Variants in KIF5C observed in about 807,000 individuals in gnomAD.
KIF5C encodes kinesin heavy chain isoform 5C.
A neutral mutation model predicts 125.2 loss-of-function variants in KIF5C; 18 were observed. The ratio of observed to expected loss-of-function variants is 0.14; its 90% CI spans 0.10 to 0.21. The LOEUF is 0.21. KIF5C is among the 10% of genes least tolerant of loss of function. The probability of loss-of-function intolerance (pLI) is 1.00; values close to 1 mark genes in which losing one functional copy is unlikely to be tolerated. For missense variants in KIF5C, 780 were observed against 1,183.8 expected, an observed-to-expected ratio of 0.66 and a Z score of 5.01; for synonymous variants, 405 against 434.0, an observed-to-expected ratio of 0.93 and a Z score of 0.83.
rs1045737583 is a variant in KIF5C at position 148,875,486 on chromosome 2, T to C, written c.-132T>C. The stretch of plus-strand genomic sequence containing the variant: ...TCAGCCGGCCGGGCTCGCGATGACC[T>C]GCTGAGAAGCGTCGTCGGAGGCTGC... On this transcript the variant is annotated 5_prime_UTR_variant, in exon 1 of 26. Coordinates refer to ENST00000435030, the MANE Select transcript of KIF5C (RefSeq NM_004522.3). The C allele has an allele frequency of 4.5e-5, 33 of 736,300 alleles. No homozygotes were observed. The highest frequency in any genetic ancestry group is 2.5e-4 in the South Asian group (14 of 56,028). 45.6% of individuals were successfully genotyped at this position (736,300 alleles called of 1,614,324 possible). A position where few individuals can be genotyped will look rare whatever the true frequency, so the allele number is the denominator to read the frequency against.
At chr2:149,013,075 C>T (rs1457370983) in intron 25 of KIF5C, among the ~76,000 whole-genome samples, 1 of 152,156 alleles carries the variant, frequency 6.6e-6, no homozygotes, top group East Asian at 1.9e-4. Flanking sequence ...TCTTTTTAAC[C>T]AAGTACTCCA....
Position 148,985,814 on chromosome 2 carries a change from G to T in KIF5C, c.1716+2048G>T, listed in dbSNP as rs193102046. 1.0e-3 allele frequency among the ~76,000 whole-genome samples: 155 copies of T among 152,274 alleles called. 3 individuals carry two copies. The highest frequency in any genetic ancestry group is 9.8e-3 in the Admixed American group (150 of 15,284). On this transcript the variant is annotated intron_variant, in intron 15 of 25. Coordinates refer to ENST00000435030, the MANE Select transcript of KIF5C (RefSeq NM_004522.3). ...AAATGTTGAAAGCCGTTTTTGGATG[G>T]TGTAACAGGTCCCAGCTTAGAGTAC...
Position 149,026,429 on chromosome 2 carries a change from A to G in KIF5C, c.*3359A>G, listed in dbSNP as rs1026383650. The G allele has an allele frequency of 6.6e-6, 1 of 152,192 alleles. No individual in the cohort carries two copies. Among genetic ancestry groups the G allele is most frequent in the Non-Finnish European group, 1.5e-5 (1 of 68,038 alleles). The allele number at this position is 152,192 out of a possible 1,614,324, so 9.4% of individuals were successfully genotyped here. Reference sequence around the variant, plus strand: ...ATAAGGGGAATAGGGCATTCTGTAGAATTATACATGTCTAGTTTGTAAAGT... The same window carrying G: ...ATAAGGGGAATAGGGCATTCTGTAGGATTATACATGTCTAGTTTGTAAAGT... On this transcript the variant is annotated 3_prime_UTR_variant, in exon 26 of 26. Coordinates refer to ENST00000435030, the MANE Select transcript of KIF5C (RefSeq NM_004522.3).
At chr2:148,882,134 A>T (rs1279585430) in intron 1 of KIF5C, among the ~76,000 whole-genome samples, 1 of 152,160 alleles carries the variant, frequency 6.6e-6, no homozygotes, top group East Asian at 1.9e-4. Context: ...ACTATTTTAG[A>T]TTCACCGTGG....
At chr2:148,994,811 C>T (rs1357657273) in intron 17 of KIF5C, among the ~76,000 whole-genome samples, 1 of 151,980 alleles carries the variant, frequency 6.6e-6, no homozygotes, top group African/African-American at 2.4e-5. Flanking sequence ...CAGCGATTCT[C>T]CTGCCTCAGC....
intron 3 of KIF5C, among the ~76,000 whole-genome samples, chr2:148,936,320 C>T: frequency 6.6e-6 from 1 of 152,242 alleles, no homozygotes; most frequent in South Asian, 2.1e-4. Context: ...TCTGGAAAAT[C>T]TCTGGATGTG....
Position 148,950,403 on chromosome 2 carries a change from C to T in KIF5C, c.909C>T (p.Cys303=), listed in dbSNP as rs1682629449. 6.2e-7 allele frequency: 1 copy of T among 1,613,992 alleles called. No homozygotes were observed. Among genetic ancestry groups the T allele is most frequent in the African/African-American group, 1.3e-5 (1 of 75,054 alleles). Residue 303 remains cysteine, a synonymous_variant, in exon 10 of 26, where the codon TGC becomes TGT. Transcript: ENST00000435030. Reference sequence around the variant, plus strand: ...ACTGCAGAACCACCATCGTCATTTGCTGTTCTCCTTCTGTCTTCAATGAGG... The same window carrying T: ...ACTGCAGAACCACCATCGTCATTTGTTGTTCTCCTTCTGTCTTCAATGAGG... The part of the protein sequence containing the change: ...GGNCRTTIVI[C]CSPSVFNEAE...
At chr2:148,941,482 C>A (rs918114709) in intron 4 of KIF5C, 128 bp from the exon 5 acceptor site, 3 of 1,299,496 alleles carry the variant, frequency 2.3e-6, no homozygotes, top group Non-Finnish European at 3.2e-6. Flanking sequence ...GATTTTAAGT[C>A]TTCACTTTGA....
intron 1 of KIF5C, among the ~76,000 whole-genome samples, chr2:148,890,913 G>A (rs1044887623): frequency 6.6e-6 from 1 of 152,152 alleles, no homozygotes; most frequent in Non-Finnish European, 1.5e-5. Flanking sequence ...ATAGTTGGAG[G>A]ATGACATTGT....
At chr2:148,977,070 T>A (rs968978553) in intron 12 of KIF5C, among the ~76,000 whole-genome samples, 2 of 152,082 alleles carry the variant, frequency 1.3e-5, no homozygotes, top group Admixed American at 1.3e-4. Flanking sequence ...TGAAAGACTT[T>A]AAAAAAAATC....
chr2:148,875,980 G>T (rs1681176211), intron 1 of KIF5C, among the ~76,000 whole-genome samples: 1 of 151,270 alleles, frequency 6.6e-6, no homozygotes, highest in Non-Finnish European at 1.5e-5. Flanking sequence ...GGGATGGGGG[G>T]CGAAGACGGG....
chr2:148,930,360 A>G (rs1174196853), intron 3 of KIF5C, among the ~76,000 whole-genome samples: 1 of 150,552 alleles, frequency 6.6e-6, no homozygotes, highest in African/African-American at 2.5e-5. Context: ...ACCAAATCCT[A>G]TAGGGCCTTC....
chr2:149,003,257 C>T lies in KIF5C; in HGVS notation c.2374-2136C>T, dbSNP rs146387159. 1.6e-3 allele frequency among the ~76,000 whole-genome samples: 248 copies of T among 152,364 alleles called. 2 individuals carry two copies. The highest frequency in any genetic ancestry group is 2.8e-3 in the Non-Finnish European group (193 of 68,030). On this transcript the variant is annotated intron_variant, in intron 21 of 25. Transcript: ENST00000435030. The stretch of plus-strand genomic sequence containing the variant: ...CTGACTGTTCTGCCGCCCTCCTCAG[C>T]GCAGGGCCCGTTCTGCCTCCTGGAG...
rs188517927 is a variant in KIF5C at position 148,979,308 on chromosome 2, A to T, written c.1362+318A>T. 3.7e-4 allele frequency among the ~76,000 whole-genome samples: 57 copies of T among 152,250 alleles called. 1 individual carries two copies. Among genetic ancestry groups the T allele is most frequent in the Non-Finnish European group, 2.4e-4 (16 of 68,016 alleles). ...TTTTTTATTTTTATTTTTTTGAGAC[A>T]GGGTCTCTCTGTTGTCCAGGCTGGA... On this transcript the variant is annotated intron_variant, in intron 13 of 25. Coordinates refer to ENST00000435030, the MANE Select transcript of KIF5C (RefSeq NM_004522.3).
chr2:148,970,108 A>G (rs1215211929), intron 11 of KIF5C, among the ~76,000 whole-genome samples: 1 of 152,194 alleles, frequency 6.6e-6, no homozygotes, highest in Non-Finnish European at 1.5e-5. Context: ...AGACATGTTA[A>G]TGCTTTGATT....
At chr2:148,986,967 G>T (rs192297204) in intron 15 of KIF5C, among the ~76,000 whole-genome samples, 187 of 152,216 alleles carry the variant, frequency 1.2e-3, no homozygotes, top group African/African-American at 4.2e-3. Flanking sequence ...TTCATGTACT[G>T]GTGGCACTGA....
At chr2:148,963,827 CTT>C (rs1682985894) in intron 11 of KIF5C, among the ~76,000 whole-genome samples, 2 of 152,152 alleles carry the variant, frequency 1.3e-5, no homozygotes, top group African/African-American at 4.8e-5. Context: ...TCTTGCCAAA[CTT>C]TAACCTTGCA....
Position 148,875,569 on chromosome 2 carries a change from G to GCCCCCGCCCCCCCCCCCTC in KIF5C, c.-45_-44insCGCCCCCCCCCCCTCCCCC. The GCCCCCGCCCCCCCCCCCTC allele has an allele frequency of 1.4e-6, 1 of 689,868 alleles. No homozygotes were observed. Among genetic ancestry groups the GCCCCCGCCCCCCCCCCCTC allele is most frequent in the East Asian group, 3.1e-5 (1 of 32,720 alleles). The allele number at this position is 689,868 out of a possible 1,614,324, so 42.7% of individuals were successfully genotyped here. On this transcript the variant is annotated 5_prime_UTR_variant, in exon 1 of 26. Transcript: ENST00000435030. ...GCGGCCTCCTCCCTCGTCGTTCCCG[G>GCCCCCGCCCCCCCCCCCTC]CCCCGGCCCCCCACCCATCCCCGTG...
chr2:148,981,103 T>TAACA lies in KIF5C; in HGVS notation c.1363-250_1363-247dup. Among the ~76,000 whole-genome samples the TAACA allele has an allele frequency of 1.3e-5, 2 of 152,258 alleles. 1 individual carries two copies. The highest frequency in any genetic ancestry group is 3.9e-4 in the East Asian group (2 of 5,190). On this transcript the variant is annotated intron_variant, in intron 13 of 25. Transcript: ENST00000435030. ...GAGTTAAGGGTATACAGCTTTAAACTAACAACAACAACAACAAAACATACA... is the reference window on the plus strand; with the variant it reads ...GAGTTAAGGGTATACAGCTTTAAACTAACAAACAACAACAACAACAAAACATACA...
Sources: gnomAD v4.1 joint callset for allele counts (sites outside exome capture counted in the v4.1 genomes callset) on GRCh38, gnomAD v4.1.1 for gene constraint, MANE v1.5 for transcripts, NCBI Gene and HGNC (gene_info 2026-07-23, HGNC 2026-07-21) for gene names.